Variants in ERBB4 observed in about 807,000 individuals in gnomAD.
ERBB4 encodes the protein erb-b2 receptor tyrosine kinase 4.
A neutral mutation model predicts 158.0 loss-of-function variants in ERBB4; 42 were observed. The ratio of observed to expected loss-of-function variants is 0.27; its 90% CI spans 0.21 to 0.34. The LOEUF (loss-of-function observed/expected upper bound fraction) is 0.34, where lower values mean the gene tolerates loss of function less well. Ranked by LOEUF, ERBB4 falls within the 10% of genes least tolerant of loss-of-function variation. ERBB4 has a pLI of 1.00. For missense variants in ERBB4, 1,333 were observed against 1,624.1 expected (o/e 0.82, Z 3.08); for synonymous variants, 583 against 558.7 (o/e 1.04, Z -0.61).
intron 3 of ERBB4, among the ~76,000 whole-genome samples, chr2:211,876,758 T>C (rs1279522721): frequency 6.6e-6 from 1 of 152,184 alleles, no homozygotes; most frequent in Admixed American, 6.5e-5. Context: ...TAAATGTATA[T>C]ACATATATAA....
At chr2:211,389,818 A>G (rs1236830550) in intron 25 of ERBB4, among the ~76,000 whole-genome samples, 1 of 152,226 alleles carries the variant, frequency 6.6e-6, no homozygotes. Context: ...TAATGTATAT[A>G]AATGAACTTT....
intron 20 of ERBB4, among the ~76,000 whole-genome samples, chr2:211,509,744 A>G (rs1228878654): frequency 6.6e-6 from 1 of 152,150 alleles, no homozygotes; most frequent in East Asian, 1.9e-4. Flanking sequence ...AAACAACTCA[A>G]CAAGAAAAAT....
At chr2:211,710,802 A>G (rs2073668732) in intron 9 of ERBB4, among the ~76,000 whole-genome samples, 1 of 152,046 alleles carries the variant, frequency 6.6e-6, no homozygotes, top group African/African-American at 2.4e-5. Context: ...CATGTAAGAC[A>G]TGCTTTTCTC....
chr2:212,238,261 A>G (rs768849662), intron 1 of ERBB4, among the ~76,000 whole-genome samples: 1 of 152,192 alleles, frequency 6.6e-6, no homozygotes, highest in South Asian at 2.1e-4. Flanking sequence ...TAGGAAAAGC[A>G]TGCATTTGGG....
intron 4 of ERBB4, among the ~76,000 whole-genome samples, chr2:211,767,254 C>T (rs952379491): frequency 1.3e-5 from 2 of 152,132 alleles, no homozygotes; most frequent in African/African-American, 4.8e-5. Flanking sequence ...TACATAATTA[C>T]TCTCACCCAT....
intron 19 of ERBB4, among the ~76,000 whole-genome samples, chr2:211,581,407 T>G (rs2125772241): frequency 6.6e-6 from 1 of 152,202 alleles, no homozygotes; most frequent in South Asian, 2.1e-4. Context: ...AAAACACACC[T>G]ACAGAAAGAT....
intron 20 of ERBB4, among the ~76,000 whole-genome samples, chr2:211,506,888 A>T (rs1574630706): frequency 6.6e-6 from 1 of 152,222 alleles, no homozygotes; most frequent in Admixed American, 6.5e-5. Flanking sequence ...ACTAAATGAG[A>T]TTGAGACCAA....
chr2:212,433,941 C>CT (rs1266837096), intron 1 of ERBB4, among the ~76,000 whole-genome samples: 1 of 151,916 alleles, frequency 6.6e-6, no homozygotes, highest in Admixed American at 6.6e-5. Flanking sequence ...CAAGGAGATA[C>CT]TTTAAGTTTG....
At chr2:211,600,828 T>C (rs1201797157) in intron 19 of ERBB4, among the ~76,000 whole-genome samples, 1 of 152,070 alleles carries the variant, frequency 6.6e-6, no homozygotes, top group Non-Finnish European at 1.5e-5. Flanking sequence ...TCTGTAAAAA[T>C]GCTGGCAGCC....
At chr2:211,922,488 T>G (rs1385051464) in intron 3 of ERBB4, among the ~76,000 whole-genome samples, 1 of 152,096 alleles carries the variant, frequency 6.6e-6, no homozygotes, top group African/African-American at 2.4e-5. Context: ...TATCTTAAAA[T>G]GGATGGTGTC....
chr2:212,126,158 T>G (rs2079918315), intron 1 of ERBB4, among the ~76,000 whole-genome samples: 1 of 152,142 alleles, frequency 6.6e-6, no homozygotes, highest in South Asian at 2.1e-4. Context: ...TTACACAAGT[T>G]TTTGTTTTGT....
At chr2:212,158,697 C>T (rs965639097) in intron 1 of ERBB4, among the ~76,000 whole-genome samples, 3 of 151,962 alleles carry the variant, frequency 2.0e-5, no homozygotes, top group Admixed American at 6.6e-5. Context: ...GTGCAATTCA[C>T]TTTTGTGTCC....
At position 212,107,628 on chromosome 2, in the gene ERBB4, T is replaced by C. The variant is rs537386596; in HGVS notation, c.234+17124A>G. Among the ~76,000 whole-genome samples the C allele has an allele frequency of 1.5e-4, 23 of 152,018 alleles. No homozygotes were observed. The South Asian group carries it at 4.4e-3, about 29-fold the overall frequency. ...GGTTTTGAAATGTGAGGACATGAGATTTGGGAGGGGCCAGGGGCAGAATGA... is the reference window on the plus strand; with the variant it reads ...GGTTTTGAAATGTGAGGACATGAGACTTGGGAGGGGCCAGGGGCAGAATGA... On this transcript the variant is annotated intron_variant, in intron 2 of 27. Coordinates refer to ENST00000342788, the MANE Select transcript of ERBB4 (RefSeq NM_005235.3).
chr2:211,771,809 C>G (rs529342665), intron 4 of ERBB4, among the ~76,000 whole-genome samples: 14 of 152,190 alleles, frequency 9.2e-5, no homozygotes, highest in African/African-American at 2.9e-4. Context: ...GGCCGAATCT[C>G]TTGGTGCTCT....
intron 1 of ERBB4, among the ~76,000 whole-genome samples, chr2:212,284,944 T>C (rs1308749459): frequency 2.0e-5 from 3 of 152,102 alleles, no homozygotes; most frequent in Non-Finnish European, 4.4e-5. Context: ...AGACATAGCA[T>C]CTTGACAGGC....
chr2:212,388,591 G>A (rs745827171), intron 1 of ERBB4, among the ~76,000 whole-genome samples: 3 of 152,018 alleles, frequency 2.0e-5, no homozygotes, highest in African/African-American at 7.2e-5. Flanking sequence ...GGGTTGTCAC[G>A]GATGGACTGG....
chr2:211,822,266 T>A (rs972469445), intron 3 of ERBB4, among the ~76,000 whole-genome samples: 2 of 151,794 alleles, frequency 1.3e-5, no homozygotes, highest in African/African-American at 4.8e-5. Context: ...AATAATAATA[T>A]ATAGTTTAAA....
chr2:211,455,944 G>A (rs896765169), intron 20 of ERBB4, among the ~76,000 whole-genome samples: 12 of 152,124 alleles, frequency 7.9e-5, no homozygotes, highest in South Asian at 2.1e-4. Flanking sequence ...AGTTCACAGC[G>A]TAAAGTTTCC....
At chr2:211,384,164 C>G (rs770394514) in intron 27 of ERBB4, 104 bp from the exon 28 acceptor site, 1 of 812,764 alleles carries the variant, frequency 1.2e-6, no homozygotes, top group Non-Finnish European at 2.0e-6. Context: ...ACAAAAAAAC[C>G]CACAGATTTG....
Sources: allele counts gnomAD v4.1 joint callset (sites outside exome capture counted in the v4.1 genomes callset), GRCh38; gene constraint gnomAD v4.1.1; transcripts MANE v1.5; gene names NCBI Gene and HGNC (gene_info 2026-07-23, HGNC 2026-07-21).